Variants in UBP1 observed in about 807,000 individuals in gnomAD.
UBP1 encodes upstream binding protein 1.
Under a neutral mutation model 76.1 loss-of-function variants are expected in UBP1, and 22 were observed. That is an observed-to-expected ratio of 0.29 (90% CI 0.21 to 0.41). The LOEUF (loss-of-function observed/expected upper bound fraction) is 0.41. UBP1 is among the 10% of genes least tolerant of loss of function. UBP1 has a pLI of 1.00. For synonymous variants in UBP1, 224 were observed against 237.1 expected (o/e 0.94, Z 0.51); for missense variants, 436 against 668.1 (o/e 0.65, Z 3.83).
chr3:33,395,705 T>G (rs2043952634), intron 13 of UBP1, among the ~76,000 whole-genome samples: 2 of 133,396 alleles, frequency 1.5e-5, no homozygotes, highest in South Asian at 4.5e-4. Context: ...CTGTTGCACA[T>G]ATGTTATGCT....
Position 33,390,354 on chromosome 3 carries a change from C to T in UBP1, c.1600G>A (p.Gly534Ser), listed in dbSNP as rs778640869. 66 of 1,613,970 alleles carry T rather than the reference C, an allele frequency of 4.1e-5. No individual in the cohort carries two copies. The highest frequency in any genetic ancestry group is 5.4e-5 in the Non-Finnish European group (64 of 1,179,982). The change falls in exon 16 of 16, where the codon GGC (glycine) becomes AGC (serine). Residue 534 changes from glycine (G) to serine (S), a missense_variant. By Grantham distance (56) the Gly-to-Ser change is moderately conservative (BLOSUM62 0). Coordinates refer to ENST00000283629, the MANE Select transcript of UBP1 (RefSeq NM_014517.5). ...FSTVKAESSD[G>S]IHIILK ...CATCACTTCAAAATTATGTGGATGC[C>T]ATCACTACTTTCAGCTGCAGAAAAA...
chr3:33,392,739 T>G, intron 14 of UBP1, 125 bp from the exon 15 acceptor site: 1 of 857,600 alleles, frequency 1.2e-6, no homozygotes. Flanking sequence ...CGATAATTCA[T>G]GAAGGCAGTG....
At chr3:33,403,732 GAA>G (rs1278599404) in intron 8 of UBP1, 1 of 152,206 alleles carries the variant, frequency 6.6e-6, no homozygotes, top group African/African-American at 2.4e-5. Flanking sequence ...TTAGGAGGTT[GAA>G]AAAGTCAGTC....
chr3:33,410,620 T>C (rs1206184045), intron 5 of UBP1, among the ~76,000 whole-genome samples: 1 of 152,254 alleles, frequency 6.6e-6, no homozygotes, highest in African/African-American at 2.4e-5. Flanking sequence ...ACCTACCTGG[T>C]AGTTTAAATT....
rs2043620096 is a variant in UBP1 at position 33,388,727 on chromosome 3, C to CT, written c.*1603dup. ...GGAAAAAGTCAGAAAGGAAAACTCT[C>CT]TGCCTATAGGATCTATAGGAGTTAC... On this transcript the variant is annotated 3_prime_UTR_variant, in exon 16 of 16. Coordinates refer to ENST00000283629, the MANE Select transcript of UBP1 (RefSeq NM_014517.5). 6.6e-6 allele frequency: 1 copy of CT among 152,204 alleles called. No individual in the cohort carries two copies. The highest frequency in any genetic ancestry group is 2.4e-5 in the African/African-American group (1 of 41,460). The allele number at this position is 152,204 out of a possible 1,614,324, so 9.4% of individuals were successfully genotyped here.
intron 11 of UBP1, 89 bp from the exon 12 acceptor site, chr3:33,397,224 C>A: frequency 2.1e-6 from 2 of 945,176 alleles, no homozygotes; most frequent in East Asian, 2.6e-5. Context: ...GTCCAATGTC[C>A]TTCAAAATAA....
At chr3:33,434,850 C>T (rs1163742720) in intron 1 of UBP1, among the ~76,000 whole-genome samples, 3 of 151,882 alleles carry the variant, frequency 2.0e-5, no homozygotes, top group Non-Finnish European at 1.5e-5. Context: ...CCATGCCCAG[C>T]TAATTTTCGT....
At chr3:33,400,352 A>C (rs2044176863) in intron 10 of UBP1, 70 bp from the exon 11 acceptor site, 3 of 1,277,932 alleles carry the variant, frequency 2.3e-6, no homozygotes, top group Non-Finnish European at 3.2e-6. Context: ...CAAAACACAG[A>C]AAGCCTCGGA....
chr3:33,421,111 TA>T (rs1290588830), intron 2 of UBP1, among the ~76,000 whole-genome samples: 2 of 152,196 alleles, frequency 1.3e-5, no homozygotes, highest in East Asian at 3.9e-4. Flanking sequence ...CCCCAGCTGT[TA>T]AGACAAAAGG....
chr3:33,399,374 CCTT>C (rs1214233554), intron 11 of UBP1, among the ~76,000 whole-genome samples: 17 of 152,084 alleles, frequency 1.1e-4, no homozygotes, highest in South Asian at 2.1e-4. Flanking sequence ...TTTTAAAATT[CCTT>C]CTTAACATTC....
intron 2 of UBP1, among the ~76,000 whole-genome samples, chr3:33,425,111 C>A (rs537165054): frequency 2.6e-5 from 4 of 152,040 alleles, no homozygotes; most frequent in Non-Finnish European, 5.9e-5. Context: ...CCTTTCATAT[C>A]ACTGAAATGT....
chr3:33,440,489 C>T (rs2045280084), upstream of UBP1: 1 of 152,040 alleles, frequency 6.6e-6, no homozygotes, highest in African/African-American at 2.4e-5. Flanking sequence ...CTTAGGGCCA[C>T]TCCCCGCGCC....
chr3:33,406,205 T>C lies in UBP1; in HGVS notation c.927+2485A>G, dbSNP rs559735160. On this transcript the variant is annotated intron_variant, in intron 8 of 15. Coordinates refer to ENST00000283629, the MANE Select transcript of UBP1 (RefSeq NM_014517.5). ...GAGGCAGGAGGACTGCTTGAGGAGA[T>C]TGAGGTCAGCCTTGGCAATACAGTG... Among the ~76,000 whole-genome samples the C allele has an allele frequency of 1.3e-4, 20 of 152,298 alleles. No homozygotes were observed. The East Asian group carries it at 3.1e-3, about 23-fold the overall frequency.
intron 5 of UBP1, among the ~76,000 whole-genome samples, chr3:33,410,044 A>G (rs2154057237): frequency 6.6e-6 from 1 of 152,274 alleles, no homozygotes. Context: ...CCAGCCAACT[A>G]TCTTACTGCT....
At chr3:33,399,885 A>G (rs575783870) in intron 11 of UBP1, among the ~76,000 whole-genome samples, 6 of 152,358 alleles carry the variant, frequency 3.9e-5, no homozygotes, top group Admixed American at 3.9e-4. Flanking sequence ...AACAAAAATT[A>G]TTTCAAAATA....
chr3:33,399,241 G>GA (rs1237750926), intron 11 of UBP1, among the ~76,000 whole-genome samples: 1 of 152,198 alleles, frequency 6.6e-6, no homozygotes, highest in Non-Finnish European at 1.5e-5. Flanking sequence ...GGTCATGTTG[G>GA]AAAAGAGTCC....
intron 3 of UBP1, among the ~76,000 whole-genome samples, chr3:33,413,589 C>CTGGCATAA (rs1456986391): frequency 6.8e-6 from 1 of 146,870 alleles, no homozygotes; most frequent in African/African-American, 2.5e-5. Flanking sequence ...AAAAAAAGAA[C>CTGGCATAA]TGGCATAAAA....
chr3:33,400,153 A>G (rs115546563), intron 11 of UBP1, 36 bp downstream of exon 11: 34,935 of 1,303,986 alleles, frequency 0.027, 581 homozygotes, highest in Non-Finnish European at 0.032. Flanking sequence ...AAAACAAAAC[A>G]TTCTCATGCA....
rs1441190789 is a variant in UBP1 at position 33,396,381 on chromosome 3, G to C, written c.1272-101C>G. 5.8e-6 allele frequency: 5 copies of C among 867,868 alleles called. No homozygotes were observed. The Admixed American group carries it at 9.8e-5, about 17-fold the overall frequency. The allele number at this position is 867,868 out of a possible 1,614,324, so 53.8% of individuals were successfully genotyped here. Reference sequence around the variant, plus strand: ...GAATCTAAGTTCTATTTCCTTATGAGAACTTTATAATGTTATTTCGTTATA... The same window carrying C: ...GAATCTAAGTTCTATTTCCTTATGACAACTTTATAATGTTATTTCGTTATA... On this transcript the variant is annotated intron_variant, in intron 12 of 15. Transcript: ENST00000283629.
Sources: gnomAD v4.1 joint callset for allele counts (sites outside exome capture counted in the v4.1 genomes callset) on GRCh38, gnomAD v4.1.1 for gene constraint, MANE v1.5 for transcripts, NCBI Gene and HGNC (gene_info 2026-07-23, HGNC 2026-07-21) for gene names.